The following KCNH8 variants were observed in gnomAD, a reference collection of about 807,000 sequenced individuals.
KCNH8 encodes potassium voltage-gated channel subfamily H member 8.
A neutral mutation model predicts 103.6 loss-of-function variants in KCNH8; 70 were observed. The observed-to-expected ratio is 0.68, with a 90% confidence interval of 0.56 to 0.82. KCNH8 has a LOEUF of 0.82. Among genes scored for constraint, KCNH8 ranks in the 40% least tolerant of loss-of-function variants. KCNH8 has a pLI of 0.00. For missense variants in KCNH8, 1,217 were observed against 1,329.9 expected (o/e 0.92, Z 1.32); for synonymous variants, 498 against 489.4 (o/e 1.02, Z -0.23).
chr3:19,166,891 G>T (rs1251185907), intron 1 of KCNH8, among the ~76,000 whole-genome samples: 1 of 152,150 alleles, frequency 6.6e-6, no homozygotes, highest in South Asian at 2.1e-4. Flanking sequence ...TTGACCCAAG[G>T]TGACAAGGCC....
intron 10 of KCNH8, among the ~76,000 whole-genome samples, chr3:19,455,202 G>A (rs1435647600): frequency 6.6e-6 from 1 of 152,020 alleles, no homozygotes; most frequent in Non-Finnish European, 1.5e-5. Context: ...TTTGTTATGG[G>A]GCTAGAATGT....
intron 1 of KCNH8, among the ~76,000 whole-genome samples, chr3:19,169,261 T>C (rs939716189): frequency 2.7e-5 from 4 of 146,412 alleles, no homozygotes; most frequent in Admixed American, 6.7e-5. Flanking sequence ...CTTTCTTTTT[T>C]TTTTTTTTTT....
At chr3:19,371,472 G>C (rs2125116452) in intron 5 of KCNH8, among the ~76,000 whole-genome samples, 1 of 148,738 alleles carries the variant, frequency 6.7e-6, no homozygotes, top group South Asian at 2.1e-4. Flanking sequence ...TTTTTTTCTT[G>C]TAAATTTGTT....
At chr3:19,490,225 C>G (rs2068289293) in intron 11 of KCNH8, among the ~76,000 whole-genome samples, 1 of 152,192 alleles carries the variant, frequency 6.6e-6, no homozygotes, top group East Asian at 1.9e-4. Context: ...GTCAGGAAAC[C>G]ACGAAATGTA....
At chr3:19,150,192 A>G (rs1187425397) in intron 1 of KCNH8, among the ~76,000 whole-genome samples, 3 of 152,114 alleles carry the variant, frequency 2.0e-5, no homozygotes, top group African/African-American at 7.2e-5. Context: ...GATAATAATG[A>G]TAAATATTAT....
At chr3:19,529,296 T>C (rs541843918) in intron 15 of KCNH8, among the ~76,000 whole-genome samples, 10 of 152,342 alleles carry the variant, frequency 6.6e-5, no homozygotes, top group Admixed American at 2.0e-4. Flanking sequence ...TTTGTTTTAA[T>C]TGACGTATCT....
intron 3 of KCNH8, among the ~76,000 whole-genome samples, chr3:19,286,661 A>G (rs1489393580): frequency 4.6e-5 from 7 of 152,152 alleles, no homozygotes; most frequent in Non-Finnish European, 8.8e-5. Flanking sequence ...ATATCCTCCC[A>G]TATACTTTAA....
chr3:19,470,737 A>C (rs936680704), intron 11 of KCNH8, among the ~76,000 whole-genome samples: 1 of 152,192 alleles, frequency 6.6e-6, no homozygotes. Context: ...CACATAAAGC[A>C]AAGATAGAAA....
rs564193030 is a variant in KCNH8 at position 19,375,864 on chromosome 3, T to C, written c.812-14617T>C. Among the ~76,000 whole-genome samples the C allele has an allele frequency of 3.5e-3, 528 of 152,066 alleles. 1 individual carries two copies. The highest frequency in any genetic ancestry group is 5.3e-3 in the Non-Finnish European group (360 of 67,916). On this transcript the variant is annotated intron_variant, in intron 5 of 15. Transcript: ENST00000328405. ...CTGCAGGTCTGTTGGAGTACCCTACTGTGTGAGGTGTCAGTGTGCCCTTGC... is the reference window on the plus strand; with the variant it reads ...CTGCAGGTCTGTTGGAGTACCCTACCGTGTGAGGTGTCAGTGTGCCCTTGC...
intron 1 of KCNH8, among the ~76,000 whole-genome samples, chr3:19,205,071 A>T (rs1336788011): frequency 6.6e-6 from 1 of 151,784 alleles, no homozygotes; most frequent in African/African-American, 2.4e-5. Flanking sequence ...TCATTCATCC[A>T]CCCACCCACC....
At chr3:19,465,910 A>G (rs964112205) in intron 11 of KCNH8, among the ~76,000 whole-genome samples, 3 of 152,110 alleles carry the variant, frequency 2.0e-5, no homozygotes, top group Non-Finnish European at 4.4e-5. Context: ...ACTTTAACAT[A>G]TAAGAAGTTG....
At chr3:19,366,121 C>T (rs537643356) in intron 5 of KCNH8, among the ~76,000 whole-genome samples, 1 of 152,100 alleles carries the variant, frequency 6.6e-6, no homozygotes, top group African/African-American at 2.4e-5. Context: ...CTAATATTTC[C>T]ATAGTAATAG....
intron 5 of KCNH8, among the ~76,000 whole-genome samples, chr3:19,379,722 C>T (rs1266694847): frequency 6.6e-6 from 1 of 152,122 alleles, no homozygotes; most frequent in Non-Finnish European, 1.5e-5. Flanking sequence ...ATGCTAGTGA[C>T]AGCCAAATAT....
At chr3:19,319,410 G>T (rs930383995) in intron 3 of KCNH8, among the ~76,000 whole-genome samples, 2 of 151,886 alleles carry the variant, frequency 1.3e-5, no homozygotes, top group African/African-American at 4.8e-5. Flanking sequence ...AGCACCATAT[G>T]TTGAATAGGG....
intron 3 of KCNH8, among the ~76,000 whole-genome samples, chr3:19,321,214 C>T (rs1373028486): frequency 6.6e-6 from 1 of 151,382 alleles, no homozygotes; most frequent in Non-Finnish European, 1.5e-5. Context: ...TATTTCTTTT[C>T]TTCTGCTGGG....
intron 7 of KCNH8, among the ~76,000 whole-genome samples, chr3:19,424,535 C>G (rs978982002): frequency 6.6e-6 from 1 of 152,090 alleles, no homozygotes; most frequent in East Asian, 1.9e-4. Context: ...AAAAACTCGT[C>G]TAGACATTGG....
In KCNH8 at chr3:19,309,893, C is replaced by G. The variant is rs78139259; in HGVS notation, c.442+28564C>G. 3.4e-4 allele frequency among the ~76,000 whole-genome samples: 51 copies of G among 152,006 alleles called. 1 individual carries two copies. In the East Asian group the frequency reaches 9.9e-3, roughly 29 times the overall value. On this transcript the variant is annotated intron_variant, in intron 3 of 15. Coordinates refer to ENST00000328405, the MANE Select transcript of KCNH8 (RefSeq NM_144633.3). ...GGACAATTTGCTTTGGCACAGGGCT[C>G]AATTCATTGGTGGGTCAAGTGTCTC...
At chr3:19,451,744 A>T (rs1448302941) in intron 10 of KCNH8, among the ~76,000 whole-genome samples, 1 of 152,174 alleles carries the variant, frequency 6.6e-6, no homozygotes, top group Admixed American at 6.6e-5. Context: ...CCTTCTGGTG[A>T]AATAGCTGCT....
At chr3:19,390,730 A>G in intron 6 of KCNH8, 92 bp downstream of exon 6, 1 of 1,284,484 alleles carries the variant, frequency 7.8e-7, no homozygotes, top group Non-Finnish European at 1.1e-6. Flanking sequence ...TTATGCTTCC[A>G]GGGTTTTGTG....
Sources: gnomAD v4.1 joint callset for allele counts (sites outside exome capture counted in the v4.1 genomes callset) on GRCh38, gnomAD v4.1.1 for gene constraint, MANE v1.5 for transcripts, NCBI Gene and HGNC (gene_info 2026-07-23, HGNC 2026-07-21) for gene names.